The following LAMB1 variants were observed in gnomAD, a reference collection of about 807,000 sequenced individuals.
LAMB1 encodes the protein laminin subunit beta-1.
Under a neutral mutation model 222.3 loss-of-function variants are expected in LAMB1, and 121 were observed. That is an observed-to-expected ratio of 0.54 (90% CI 0.47 to 0.63). The LOEUF (loss-of-function observed/expected upper bound fraction) is 0.63. Among genes scored for constraint, LAMB1 ranks in the 30% least tolerant of loss-of-function variants. The pLI is 0.00. For synonymous variants in LAMB1, 794 were observed against 807.2 expected, an observed-to-expected ratio of 0.98 and a Z score of 0.28; for missense variants, 2,172 against 2,240.8, an observed-to-expected ratio of 0.97 and a Z score of 0.62.
At chr7:107,960,178 T>C (rs1205698879) in intron 18 of LAMB1, among the ~76,000 whole-genome samples, 1 of 152,208 alleles carries the variant, frequency 6.6e-6, no homozygotes, top group East Asian at 1.9e-4. Flanking sequence ...CCCCTCTCCC[T>C]ACCCTGCTTA....
At chr7:107,944,934 CAG>C (rs1171305929) in intron 24 of LAMB1, among the ~76,000 whole-genome samples, 2 of 152,164 alleles carry the variant, frequency 1.3e-5, no homozygotes, top group South Asian at 4.1e-4. Context: ...AGAAAGGAAT[CAG>C]AATCCAAATG....
intron 5 of LAMB1, among the ~76,000 whole-genome samples, chr7:107,988,443 CA>C (rs755574071): frequency 2.9e-5 from 4 of 138,460 alleles, no homozygotes; most frequent in African/African-American, 1.1e-4. Context: ...ATGTCTCAAA[CA>C]AAAAAAAAGA....
chr7:107,945,516 T>C (rs1201597106), intron 24 of LAMB1, among the ~76,000 whole-genome samples: 1 of 152,246 alleles, frequency 6.6e-6, no homozygotes, highest in Non-Finnish European at 1.5e-5. Context: ...CCCAGAGCCA[T>C]GCTGCTTCAT....
chr7:107,945,695 C>G (rs1273654038), intron 24 of LAMB1, among the ~76,000 whole-genome samples: 2 of 152,212 alleles, frequency 1.3e-5, no homozygotes, highest in African/African-American at 4.8e-5. Flanking sequence ...CTCTCTGAGT[C>G]TGAGATTAGT....
chr7:107,959,965 G>T, intron 18 of LAMB1, 131 bp from the exon 19 acceptor site: 1 of 1,272,020 alleles, frequency 7.9e-7, no homozygotes, highest in Non-Finnish European at 1.1e-6. Context: ...CCTATGATGA[G>T]CGGAAGGGAA....
In LAMB1 at chr7:107,951,914, C is replaced by T. The variant is rs1023788201; in HGVS notation, c.3294+95G>A. ...GATCCAGGCCACGCTGTGTTTCAAG[C>T]TGTGTGCCCTGGTGCCTTGCTCTAA... On this transcript the variant is annotated intron_variant, in intron 23 of 33. Coordinates refer to ENST00000222399, the MANE Select transcript of LAMB1 (RefSeq NM_002291.3). The T allele has an allele frequency of 2.9e-6, 3 of 1,036,222 alleles. No homozygotes were observed. The African/African-American group carries it at 4.8e-5, about 17-fold the overall frequency. 64.2% of individuals were successfully genotyped at this position (1,036,222 alleles called of 1,614,324 possible).
In LAMB1 at chr7:107,924,425, T is replaced by G. The variant is rs765493889; in HGVS notation, c.5065-36A>C. 3 of 1,523,314 alleles carry G rather than the reference T, an allele frequency of 2.0e-6. No homozygotes were observed. The South Asian group carries it at 3.6e-5, about 18-fold the overall frequency. The allele number at this position is 1,523,314 out of a possible 1,614,324, so 94.4% of individuals were successfully genotyped here. A position where few individuals can be genotyped will look rare whatever the true frequency, so the allele number is the denominator to read the frequency against. ...ACATTTAGACAGAAAGAAGTGGTAA[T>G]GTTAGTGTCAGTAATTACATTTAAG... On this transcript the variant is annotated intron_variant, in intron 32 of 33. Transcript: ENST00000222399.
chr7:107,998,588 A>G, intron 3 of LAMB1, 96 bp from the exon 4 acceptor site: 5 of 1,017,842 alleles, frequency 4.9e-6, no homozygotes, highest in South Asian at 3.6e-5. Context: ...ACAAAAATCA[A>G]CCTATTAGCT....
chr7:108,001,628 T>C lies in LAMB1; in HGVS notation c.143A>G (p.Gln48Arg), dbSNP rs753023280. ...GCACGTCGAGGTCACCGAAAGCTTC[T>C]GTGCTCGGCCGATGAGAAGGTCGCC... The part of the protein sequence containing the change: ...ATGDLLIGRA[Q>R]KLSVTSTCGL... Residue 48 changes from glutamine to arginine, a missense_variant, in exon 3 of 34, where the codon CAG (glutamine) becomes CGG (arginine). By Grantham distance (43) the Gln-to-Arg change is conservative. Coordinates refer to ENST00000222399, the MANE Select transcript of LAMB1 (RefSeq NM_002291.3). The C allele has an allele frequency of 6.2e-7, 1 of 1,613,258 alleles. No homozygotes were observed.
chr7:107,926,202 C>T lies in LAMB1; in HGVS notation c.5045G>A (p.Ser1682Asn), dbSNP rs376541869. The change falls in exon 32 of 34, where the codon AGT (serine) becomes AAT (asparagine). Residue 1682 changes from serine to asparagine, a missense_variant. Transcript: ENST00000222399. ...ACGTACCTTCTTAACATCTTCTGCA[C>T]TTTGCTTCACAGTATATACTACTTT... Reference protein sequence around the residue: ...IEKVVYTVKQSAEDVKKTLDG... With the variant: ...IEKVVYTVKQNAEDVKKTLDG... The T allele has an allele frequency of 3.3e-5, 54 of 1,613,508 alleles. No individual in the cohort carries two copies. The highest frequency in any genetic ancestry group is 1.2e-4 in the Admixed American group (7 of 59,984).
At chr7:107,984,449 T>C (rs2034035051) in intron 7 of LAMB1, among the ~76,000 whole-genome samples, 1 of 152,194 alleles carries the variant, frequency 6.6e-6, no homozygotes, top group African/African-American at 2.4e-5. Flanking sequence ...GGTTTTACCA[T>C]GTTGGCCAGG....
chr7:107,975,950 G>T, intron 9 of LAMB1, 73 bp from the exon 10 acceptor site: 1 of 1,324,774 alleles, frequency 7.5e-7, no homozygotes, highest in African/African-American at 1.5e-5. Context: ...GTGGCAGGAA[G>T]ATCCTTTAGG....
At chr7:107,997,985 C>G (rs1563011625) in intron 4 of LAMB1, among the ~76,000 whole-genome samples, 3 of 152,038 alleles carry the variant, frequency 2.0e-5, no homozygotes, top group African/African-American at 7.2e-5. Flanking sequence ...ATGATTCTGC[C>G]CCTTCCTTTG....
chr7:107,965,162 G>A (rs1300235781), intron 13 of LAMB1, among the ~76,000 whole-genome samples: 6 of 152,184 alleles, frequency 3.9e-5, no homozygotes, highest in African/African-American at 1.4e-4. Context: ...AACCAAGTCA[G>A]AAATTTAGTC....
chr7:107,980,349 T>C (rs1248655390), intron 8 of LAMB1, among the ~76,000 whole-genome samples: 1 of 152,224 alleles, frequency 6.6e-6, no homozygotes, highest in African/African-American at 2.4e-5. Context: ...GACTAAAATA[T>C]CTACTTTAGC....
chr7:107,947,622 C>T (rs2033145634), intron 24 of LAMB1, among the ~76,000 whole-genome samples: 1 of 152,220 alleles, frequency 6.6e-6, no homozygotes, highest in Non-Finnish European at 1.5e-5. Context: ...ACCCTGTCTG[C>T]ACCAGACCCC....
intron 21 of LAMB1, among the ~76,000 whole-genome samples, chr7:107,954,513 G>A (rs1056979352): frequency 2.0e-5 from 3 of 151,922 alleles, no homozygotes; most frequent in Non-Finnish European, 4.4e-5. Flanking sequence ...AGTGGCTCAC[G>A]CCTGTAATCC....
At chr7:107,992,909 C>T (rs1327166019) in intron 5 of LAMB1, among the ~76,000 whole-genome samples, 1 of 152,052 alleles carries the variant, frequency 6.6e-6, no homozygotes, top group African/African-American at 2.4e-5. Context: ...AAACAAAAAA[C>T]AGAGGGGAAC....
chr7:107,933,156 T>A (rs1303494893), intron 27 of LAMB1, among the ~76,000 whole-genome samples: 3 of 152,220 alleles, frequency 2.0e-5, no homozygotes, highest in Non-Finnish European at 2.9e-5. Flanking sequence ...GGTCATGGCA[T>A]ACAAATGCAA....
Sources: gnomAD v4.1 joint callset for allele counts (sites outside exome capture counted in the v4.1 genomes callset) on GRCh38, gnomAD v4.1.1 for gene constraint, MANE v1.5 for transcripts, NCBI Gene and HGNC (gene_info 2026-07-23, HGNC 2026-07-21) for gene names.